The following SLC2A13 variants were observed in gnomAD, a reference collection of about 807,000 sequenced individuals.
The protein encoded by SLC2A13 is proton myo-inositol cotransporter.
Under a neutral mutation model 64.4 loss-of-function variants are expected in SLC2A13, and 32 were observed. The ratio of observed to expected loss-of-function variants is 0.50; its 90% confidence interval spans 0.37 to 0.67. The LOEUF is 0.67. SLC2A13 is among the 30% of genes least tolerant of loss of function. SLC2A13 has a pLI of 0.00. For synonymous variants in SLC2A13, 338 were observed against 327.1 expected, an observed-to-expected ratio of 1.03 and a Z score of -0.36; for missense variants, 743 against 829.2, an observed-to-expected ratio of 0.90 and a Z score of 1.28.
At chr12:39,976,676 G>A (rs920644696) in intron 3 of SLC2A13, among the ~76,000 whole-genome samples, 3 of 152,002 alleles carry the variant, frequency 2.0e-5, no homozygotes, top group Non-Finnish European at 2.9e-5. Context: ...TGGATTACAG[G>A]AGTGAAACTG....
At chr12:39,810,451 A>C (rs4372520) in intron 7 of SLC2A13, among the ~76,000 whole-genome samples, 123,727 of 152,100 alleles carry the variant, frequency 0.81, 50,513 homozygotes, top group Non-Finnish European at 0.85. Context: ...TAGAGTATAT[A>C]TTCCTTTCCA....
chr12:39,821,421 A>T (rs563373746), intron 7 of SLC2A13, among the ~76,000 whole-genome samples: 27 of 151,578 alleles, frequency 1.8e-4, no homozygotes, highest in Admixed American at 7.9e-4. Context: ...AAAAAAAAAA[A>T]TTTTTTTTTG....
chr12:39,756,092 C>T lies in SLC2A13; in HGVS notation c.*3934G>A, dbSNP rs1939963246. 1 of 151,952 alleles carries T rather than the reference C, an allele frequency of 6.6e-6. No homozygotes were observed. The highest frequency in any genetic ancestry group is 6.6e-5 in the Admixed American group (1 of 15,208). The allele number at this position is 151,952 out of a possible 1,614,324, so 9.4% of individuals were successfully genotyped here. On this transcript the variant is annotated 3_prime_UTR_variant, in exon 10 of 10. Transcript: ENST00000280871. ...TAGACTGCTACAACCTGAACCATTT[C>T]ATCAAATTGGCTTTACATTATTGTA...
chr12:39,839,493 T>C (rs911601713), intron 6 of SLC2A13, among the ~76,000 whole-genome samples: 1 of 152,146 alleles, frequency 6.6e-6, no homozygotes, highest in Non-Finnish European at 1.5e-5. Flanking sequence ...CAGAGATTGC[T>C]GGTGGTTGTC....
intron 3 of SLC2A13, among the ~76,000 whole-genome samples, chr12:39,964,167 CTGTAAA>C (rs910851993): frequency 6.6e-6 from 1 of 152,072 alleles, no homozygotes; most frequent in Non-Finnish European, 1.5e-5. Flanking sequence ...ACATATGAGG[CTGTAAA>C]TGTATTCTCT....
intron 4 of SLC2A13, among the ~76,000 whole-genome samples, chr12:39,897,579 T>C (rs1323054024): frequency 2.6e-5 from 4 of 152,168 alleles, no homozygotes; most frequent in Non-Finnish European, 5.9e-5. Context: ...CTGTCCAATG[T>C]CCAATATGGC....
chr12:40,071,580 T>C (rs1937959355), intron 1 of SLC2A13, among the ~76,000 whole-genome samples: 2 of 152,164 alleles, frequency 1.3e-5, no homozygotes, highest in African/African-American at 4.8e-5. Context: ...AAACAATTGG[T>C]ACAGTTTCTC....
intron 3 of SLC2A13, among the ~76,000 whole-genome samples, chr12:39,980,308 A>C (rs1264611926): frequency 6.6e-6 from 1 of 152,156 alleles, no homozygotes; most frequent in South Asian, 2.1e-4. Flanking sequence ...GACAGGATCA[A>C]ATTCACACAT....
chr12:40,103,365 A>G (rs1199333080), intron 1 of SLC2A13, among the ~76,000 whole-genome samples: 1 of 152,148 alleles, frequency 6.6e-6, no homozygotes, highest in African/African-American at 2.4e-5. Context: ...GTTGGAGATA[A>G]CTGTACCCCC....
intron 4 of SLC2A13, among the ~76,000 whole-genome samples, chr12:39,895,538 A>G (rs1257454913): frequency 7.4e-6 from 1 of 135,010 alleles, no homozygotes; most frequent in African/African-American, 2.7e-5. Flanking sequence ...ATATATATAT[A>G]TATATATATA....
chr12:39,880,645 T>C (rs1258944368), intron 4 of SLC2A13, among the ~76,000 whole-genome samples: 1 of 152,222 alleles, frequency 6.6e-6, no homozygotes, highest in African/African-American at 2.4e-5. Context: ...TTTATTAGTC[T>C]TTTTGGAAGA....
At position 39,989,650 on chromosome 12, in the gene SLC2A13, T is replaced by C. The variant is rs375712233; in HGVS notation, c.926-38285A>G. 4.6e-5 allele frequency among the ~76,000 whole-genome samples: 7 copies of C among 152,314 alleles called. No individual in the cohort carries two copies. In the East Asian group the frequency reaches 9.6e-4, roughly 21 times the overall value. ...ACTGAAACTAGGTCTTAAAAGAAGA[T>C]TCAGGCTTGACTGACATGGAAAGGG... is the stretch of plus-strand genomic sequence containing the variant. On this transcript the variant is annotated intron_variant, in intron 3 of 9. Transcript: ENST00000280871.
intron 3 of SLC2A13, 42 bp downstream of exon 3, chr12:40,028,259 C>A (rs771222137): frequency 6.8e-7 from 1 of 1,465,142 alleles, no homozygotes; most frequent in Non-Finnish European, 9.4e-7. Flanking sequence ...AATAAGACCA[C>A]TGTATAGTTT....
At chr12:39,829,960 A>G in intron 7 of SLC2A13, 143 bp downstream of exon 7, 1 of 1,017,196 alleles carries the variant, frequency 9.8e-7, no homozygotes. Context: ...TGCATCCACT[A>G]TCACCAGTAT....
At chr12:39,976,467 T>C (rs1399165551) in intron 3 of SLC2A13, among the ~76,000 whole-genome samples, 2 of 152,230 alleles carry the variant, frequency 1.3e-5, no homozygotes, top group Admixed American at 6.5e-5. Flanking sequence ...AACACATTTA[T>C]TAATTCCACG....
chr12:39,834,516 T>C (rs1397910063), intron 6 of SLC2A13, among the ~76,000 whole-genome samples: 3 of 152,106 alleles, frequency 2.0e-5, no homozygotes, highest in Non-Finnish European at 4.4e-5. Context: ...ATAGTGTATG[T>C]GCAGGCGTAA....
chr12:40,054,038 G>A (rs1373352508), intron 1 of SLC2A13, among the ~76,000 whole-genome samples: 1 of 152,114 alleles, frequency 6.6e-6, no homozygotes, highest in Non-Finnish European at 1.5e-5. Context: ...TAACTTTAGA[G>A]TCTGTTTCAA....
intron 7 of SLC2A13, among the ~76,000 whole-genome samples, chr12:39,784,838 A>G (rs1240370299): frequency 1.3e-5 from 2 of 152,210 alleles, no homozygotes; most frequent in East Asian, 3.9e-4. Flanking sequence ...TGTTTTAGCA[A>G]GAGACTGGCA....
intron 6 of SLC2A13, among the ~76,000 whole-genome samples, chr12:39,835,187 A>T (rs1002998576): frequency 6.6e-6 from 1 of 152,062 alleles, no homozygotes; most frequent in Admixed American, 6.6e-5. Flanking sequence ...CCCCTTCCAC[A>T]GTGTGACCTG....
Sources: gnomAD v4.1 joint callset for allele counts (sites outside exome capture counted in the v4.1 genomes callset) on GRCh38, gnomAD v4.1.1 for gene constraint, MANE v1.5 for transcripts, NCBI Gene and HGNC (gene_info 2026-07-23, HGNC 2026-07-21) for gene names.